TMEM117: variants seen among roughly 807,000 people sequenced by gnomAD.
TMEM117 encodes transmembrane protein 117.
TMEM117 carries 27 observed loss-of-function variants against 52.4 expected under a neutral mutation model. The observed-to-expected ratio is 0.51, with a 90% confidence interval of 0.38 to 0.71. The LOEUF (loss-of-function observed/expected upper bound fraction) is 0.71, where lower values mean the gene tolerates loss of function less well. Among genes scored for constraint, TMEM117 ranks in the 30% least tolerant of loss-of-function variants. TMEM117 has a pLI of 0.00. For synonymous variants in TMEM117, 215 were observed against 206.3 expected (o/e 1.04, Z -0.36); for missense variants, 556 against 630.5 (o/e 0.88, Z 1.26).
intron 7 of TMEM117, among the ~76,000 whole-genome samples, chr12:44,378,482 C>T (rs538463530): frequency 1.3e-5 from 2 of 152,066 alleles, no homozygotes; most frequent in Non-Finnish European, 2.9e-5. Context: ...TGCAGAGTCC[C>T]TAAAGCTTCA....
At chr12:44,190,845 T>A (rs901787002) in intron 4 of TMEM117, among the ~76,000 whole-genome samples, 2 of 149,910 alleles carry the variant, frequency 1.3e-5, no homozygotes, top group African/African-American at 4.9e-5. Context: ...ACTGTATATG[T>A]GCACTCTCTC....
chr12:44,267,509 A>C (rs1024231801), intron 5 of TMEM117, among the ~76,000 whole-genome samples: 1 of 152,162 alleles, frequency 6.6e-6, no homozygotes, highest in African/African-American at 2.4e-5. Flanking sequence ...CAATTTCTTT[A>C]TTATTATTTG....
chr12:44,218,465 G>A (rs1036125597), intron 5 of TMEM117, among the ~76,000 whole-genome samples: 1 of 152,068 alleles, frequency 6.6e-6, no homozygotes, highest in Non-Finnish European at 1.5e-5. Context: ...TACAAACTTG[G>A]TATAGAAGGA....
At chr12:44,309,776 T>TAAA (rs61352410) in intron 6 of TMEM117, among the ~76,000 whole-genome samples, 1 of 134,672 alleles carries the variant, frequency 7.4e-6, no homozygotes, top group Non-Finnish European at 1.6e-5. Flanking sequence ...GAATGAGAAT[T>TAAA]AAAAAAAAAA....
intron 3 of TMEM117, among the ~76,000 whole-genome samples, chr12:44,092,423 A>G (rs1487940613): frequency 1.3e-5 from 2 of 152,134 alleles, no homozygotes; most frequent in Non-Finnish European, 2.9e-5. Context: ...ATTTAGAACT[A>G]GGGGCTTTCC....
At chr12:44,125,825 T>G (rs1948315191) in intron 3 of TMEM117, among the ~76,000 whole-genome samples, 1 of 152,186 alleles carries the variant, frequency 6.6e-6, no homozygotes, top group Non-Finnish European at 1.5e-5. Flanking sequence ...ACTTGAGATC[T>G]TTCTAGTTTT....
At chr12:44,313,050 A>G (rs766559719) in intron 6 of TMEM117, among the ~76,000 whole-genome samples, 9 of 152,176 alleles carry the variant, frequency 5.9e-5, no homozygotes, top group Non-Finnish European at 8.8e-5. Context: ...TATTTTCTCC[A>G]ATACTGTGAG....
At chr12:43,878,135 A>G (rs914991373) in intron 2 of TMEM117, among the ~76,000 whole-genome samples, 2 of 149,732 alleles carry the variant, frequency 1.3e-5, no homozygotes, top group African/African-American at 5.1e-5. Context: ...TTAACAAACC[A>G]CTCTGACTTT....
At chr12:44,342,947 C>T (rs982170210) in intron 6 of TMEM117, among the ~76,000 whole-genome samples, 1 of 151,964 alleles carries the variant, frequency 6.6e-6, no homozygotes, top group African/African-American at 2.4e-5. Flanking sequence ...TCACTGCAAC[C>T]TCTGCCCCTC....
At chr12:44,179,727 C>G (rs562741291) in intron 4 of TMEM117, among the ~76,000 whole-genome samples, 43 of 152,362 alleles carry the variant, frequency 2.8e-4, no homozygotes, top group African/African-American at 1.0e-3. Context: ...TCTTCAGCCA[C>G]CTGGGCATCC....
At chr12:44,035,945 T>C (rs990688701) in intron 3 of TMEM117, among the ~76,000 whole-genome samples, 2 of 152,204 alleles carry the variant, frequency 1.3e-5, no homozygotes, top group African/African-American at 2.4e-5. Context: ...ATGAAAGATA[T>C]GGCAGGTGTT....
At chr12:43,965,528 G>A (rs1945470167) in intron 3 of TMEM117, among the ~76,000 whole-genome samples, 1 of 152,192 alleles carries the variant, frequency 6.6e-6, no homozygotes, top group African/African-American at 2.4e-5. Flanking sequence ...GTTCAAGAGG[G>A]AGTCAAAACA....
intron 5 of TMEM117, among the ~76,000 whole-genome samples, chr12:44,292,836 G>A (rs1169899988): frequency 6.6e-6 from 1 of 151,896 alleles, no homozygotes. Context: ...GTGCTGTTTT[G>A]TGGCTTAATA....
intron 5 of TMEM117, among the ~76,000 whole-genome samples, chr12:44,277,276 G>C (rs935007984): frequency 3.9e-5 from 6 of 152,008 alleles, no homozygotes; most frequent in Non-Finnish European, 8.8e-5. Flanking sequence ...GCTGTCAAGA[G>C]CTAAACATTT....
chr12:44,227,399 G>A (rs778242033), intron 5 of TMEM117, among the ~76,000 whole-genome samples: 2 of 152,040 alleles, frequency 1.3e-5, no homozygotes, highest in Non-Finnish European at 2.9e-5. Flanking sequence ...TGGAGGTTGA[G>A]GCTGAAATCA....
At chr12:44,352,611 C>G (rs1951580645) in intron 6 of TMEM117, among the ~76,000 whole-genome samples, 1 of 152,110 alleles carries the variant, frequency 6.6e-6, no homozygotes, top group South Asian at 2.1e-4. Context: ...CATGTCCCTA[C>G]AAAGGACATG....
intron 5 of TMEM117, among the ~76,000 whole-genome samples, chr12:44,283,791 C>T (rs113383006): frequency 0.031 from 4,788 of 152,060 alleles, 231 homozygotes; most frequent in African/African-American, 0.11. Context: ...GAGCCACGGG[C>T]GGAATGATAT....
the TMEM117 span, among the ~76,000 whole-genome samples, chr12:43,828,272 C>T: frequency 6.6e-6 from 1 of 152,204 alleles, no homozygotes; most frequent in African/African-American, 2.4e-5. Context: ...TATGAGTGCT[C>T]ACTATGAGCA....
intron 6 of TMEM117, among the ~76,000 whole-genome samples, chr12:44,356,010 G>T (rs1418593649): frequency 6.6e-6 from 1 of 151,756 alleles, no homozygotes; most frequent in Non-Finnish European, 1.5e-5. Flanking sequence ...TATCTGTTTA[G>T]AGTCAGGAAA....
Sources: allele counts gnomAD v4.1 joint callset (sites outside exome capture counted in the v4.1 genomes callset), GRCh38; gene constraint gnomAD v4.1.1; transcripts MANE v1.5; gene names NCBI Gene and HGNC (gene_info 2026-07-23, HGNC 2026-07-21).